The following CCDC157 variants were observed in gnomAD, a reference collection of about 807,000 sequenced individuals.
The protein encoded by CCDC157 is coiled-coil domain-containing protein 157.
Under a neutral mutation model 70.9 loss-of-function variants are expected in CCDC157, and 60 were observed. That is an observed-to-expected ratio of 0.85 (90% confidence interval 0.69 to 1.05). The LOEUF (loss-of-function observed/expected upper bound fraction) is 1.05, where lower values mean the gene tolerates loss of function less well. CCDC157 is among the 50% of genes least tolerant of loss of function. CCDC157 has a pLI of 0.00. For synonymous variants in CCDC157, 373 were observed against 422.4 expected (o/e 0.88, Z 1.43); for missense variants, 943 against 984.2 (o/e 0.96, Z 0.56).
chr22:30,369,667 T>C (rs1481438790), intron 4 of CCDC157, 64 bp downstream of exon 4: 10 of 1,298,188 alleles, frequency 7.7e-6, no homozygotes, highest in African/African-American at 4.6e-5. Flanking sequence ...TGTGGTGGCC[T>C]TCACACCTCG....
chr22:30,363,817 A>G (rs1242005502), intron 2 of CCDC157, among the ~76,000 whole-genome samples: 1 of 150,558 alleles, frequency 6.6e-6, no homozygotes, highest in Non-Finnish European at 1.5e-5. Flanking sequence ...CCTCCCAAGT[A>G]TCTGGGATTA....
At position 30,372,392 on chromosome 22, in the gene CCDC157, C is replaced by T. The variant is rs543782392; in HGVS notation, c.1335+106C>T. ...GATCATCTATATTGGGCATCTGCTC[C>T]CTGAGATGCCTCCAGGTGTGGGGGT... On this transcript the variant is annotated intron_variant, in intron 7 of 11. Transcript: ENST00000338306. 4 of 1,367,652 alleles carry T rather than the reference C, an allele frequency of 2.9e-6. No homozygotes were observed. The South Asian group carries it at 6.1e-5, about 21-fold the overall frequency. The allele number at this position is 1,367,652 out of a possible 1,614,324, so 84.7% of individuals were successfully genotyped here. A position where few individuals can be genotyped will look rare whatever the true frequency, so the allele number is the denominator to read the frequency against.
intron 3 of CCDC157, 129 bp from the exon 4 acceptor site, chr22:30,369,303 A>G: frequency 1.2e-6 from 1 of 825,872 alleles, no homozygotes; most frequent in Non-Finnish European, 1.7e-6. Context: ...GGCCCAGCAG[A>G]GCATATTCTG....
In CCDC157 at chr22:30,364,905, C is replaced by T. The variant is rs1339064628; in HGVS notation, c.-11-1085C>T. ...TCTTAATGCAAGTTTTCATGTTTTC[C>T]TCTCTTGCACTTTAGAAGTCAAGTG... On this transcript the variant is annotated intron_variant, in intron 2 of 11. Transcript: ENST00000338306. 2.6e-5 allele frequency among the ~76,000 whole-genome samples: 4 copies of T among 151,604 alleles called. No homozygotes were observed. The East Asian group carries it at 7.7e-4, about 29-fold the overall frequency.
rs180928061 is a variant in CCDC157, at chr22:30,373,724, G to T, written c.1463G>T (p.Ser488Ile). The T allele has an allele frequency of 2.4e-3, 3,734 of 1,553,288 alleles. 3 individuals are homozygous for T. The highest frequency in any genetic ancestry group is 3.0e-3 in the Non-Finnish European group (3,393 of 1,148,754). Residue 488 changes from serine (S) to isoleucine (I), a missense_variant, in exon 8 of 12, where the codon AGC (serine) becomes ATC (isoleucine). By Grantham distance (142) the Ser-to-Ile change is moderately radical (BLOSUM62 -2). Coordinates refer to ENST00000338306, the MANE Select transcript of CCDC157 (RefSeq NM_001017437.5). ...GCCCGCGTGGAGGAGCAGCTGCAGA[G>T]CGAGCGGGAGCAGGGGCAATGCCAG... ...QRARVEEQLQ[S>I]EREQGQCQLR...
chr22:30,378,316 A>G lies in CCDC157; in HGVS notation c.*1571A>G. The G allele has an allele frequency of 3.0e-6, 1 of 329,930 alleles. No homozygotes were observed. The highest frequency in any genetic ancestry group is 2.4e-5 in the South Asian group (1 of 42,232). 20.4% of individuals were successfully genotyped at this position (329,930 alleles called of 1,614,324 possible). ...TCAGGTCAGCTTGCTATAAGACAGA[A>G]CCCAACCATGGGCATAAAATCCCTT... On this transcript the variant is annotated 3_prime_UTR_variant, in exon 12 of 12. Transcript: ENST00000338306.
In CCDC157 at chr22:30,366,039, C is replaced by G; in HGVS notation, c.39C>G (p.Ser13Arg). The stretch of plus-strand genomic sequence containing the variant: ...TGGGCAGCCAGGCCTGCATGGAGAG[C>G]CTGCGCACAGACCTCACCGACCTGC... Reference protein sequence around the residue: ...HLLGSQACMESLRTDLTDLQG... With the variant: ...HLLGSQACMERLRTDLTDLQG... Residue 13 changes from serine (S) to arginine (R), a missense_variant, in exon 3 of 12, where the codon AGC (serine) becomes AGG (arginine). Coordinates refer to ENST00000338306, the MANE Select transcript of CCDC157 (RefSeq NM_001017437.5). The G allele has an allele frequency of 1.2e-6, 2 of 1,604,158 alleles. No homozygotes were observed. Among genetic ancestry groups the G allele is most frequent in the South Asian group, 1.1e-5 (1 of 91,054 alleles).
At chr22:30,374,120 A>C (rs1390305709) in intron 9 of CCDC157, 29 bp downstream of exon 9, 1 of 1,565,960 alleles carries the variant, frequency 6.4e-7, no homozygotes, top group Non-Finnish European at 8.7e-7. Context: ...TGCCAAGGGC[A>C]TGCTGGGGCT....
chr22:30,374,021 G>A lies in CCDC157; in HGVS notation c.1602G>A (p.Glu534=), dbSNP rs1428341434. The change falls in exon 9 of 12, where the codon GAG becomes GAA. Residue 534 remains glutamate, a synonymous_variant. Transcript: ENST00000338306. ...TGGAGCTAGAACGGGAGCTGGAGGA[G>A]CTGAAGGAGCGGGAGCGGCTGCTGG... is the stretch of plus-strand genomic sequence containing the variant. ...TILELERELE[E]LKERERLLVA... 6.2e-7 allele frequency: 1 copy of A among 1,611,252 alleles called. No individual in the cohort carries two copies. Among genetic ancestry groups the A allele is most frequent in the East Asian group, 2.2e-5 (1 of 44,816 alleles).
At position 30,376,843 on chromosome 22, in the gene CCDC157, G is replaced by A; in HGVS notation, c.*98G>A. The A allele has an allele frequency of 8.1e-7, 1 of 1,227,098 alleles. No individual in the cohort carries two copies. The allele number at this position is 1,227,098 out of a possible 1,614,324, so 76.0% of individuals were successfully genotyped here. A position where few individuals can be genotyped will look rare whatever the true frequency, so the allele number is the denominator to read the frequency against. Reference sequence around the variant, plus strand: ...GGCCCACAGCAATCTTTGCCTCACAGTATGACTGAGCCAAGGAAAGAACCC... The same window carrying A: ...GGCCCACAGCAATCTTTGCCTCACAATATGACTGAGCCAAGGAAAGAACCC... On this transcript the variant is annotated 3_prime_UTR_variant, in exon 12 of 12. Coordinates refer to ENST00000338306, the MANE Select transcript of CCDC157 (RefSeq NM_001017437.5).
At position 30,373,748 on chromosome 22, in the gene CCDC157, A is replaced by G. The variant is rs1428928378; in HGVS notation, c.1487A>G (p.Gln496Arg). Reference protein sequence around the residue: ...LQSEREQGQCQLRAQQELLQS... With the variant: ...LQSEREQGQCRLRAQQELLQS... Reference sequence around the variant, plus strand: ...AGCGAGCGGGAGCAGGGGCAATGCCAGCTCAGGGCCCAGCAGGTGAGGGTG... The same window carrying G: ...AGCGAGCGGGAGCAGGGGCAATGCCGGCTCAGGGCCCAGCAGGTGAGGGTG... The change falls in exon 8 of 12, where the codon CAG (glutamine) becomes CGG (arginine). Residue 496 changes from glutamine (Q) to arginine (R), a missense_variant. By Grantham distance (43) the Gln-to-Arg change is conservative. Transcript: ENST00000338306. 1 of 1,553,434 alleles carries G rather than the reference A, an allele frequency of 6.4e-7. No individual in the cohort carries two copies. The highest frequency in any genetic ancestry group is 8.7e-7 in the Non-Finnish European group (1 of 1,148,576).
chr22:30,378,078 G>A lies in CCDC157; in HGVS notation c.*1333G>A, dbSNP rs894326604. 5 of 470,714 alleles carry A rather than the reference G, an allele frequency of 1.1e-5. No homozygotes were observed. Among genetic ancestry groups the A allele is most frequent in the East Asian group, 6.9e-5 (1 of 14,398 alleles). The allele number at this position is 470,714 out of a possible 1,614,324, so 29.2% of individuals were successfully genotyped here. A position where few individuals can be genotyped will look rare whatever the true frequency, so the allele number is the denominator to read the frequency against. On this transcript the variant is annotated 3_prime_UTR_variant, in exon 12 of 12. Transcript: ENST00000338306. ...GTCCCCATGTCCTCGCTGGCTGGCT[G>A]TAAGCCAGGTCCTCTCACGGCTCCT...
Position 30,372,195 on chromosome 22 carries a change from G to A in CCDC157, c.1244G>A (p.Arg415Gln), listed in dbSNP as rs752958427. 1.6e-5 allele frequency: 25 copies of A among 1,591,808 alleles called. 1 individual carries two copies. Among genetic ancestry groups the A allele is most frequent in the South Asian group, 2.3e-5 (2 of 87,620 alleles). The change falls in exon 7 of 12, where the codon CGG (arginine) becomes CAG (glutamine). Residue 415 changes from arginine (R) to glutamine (Q), a missense_variant. Arg to Gln is a conservative substitution (Grantham distance 43). Transcript: ENST00000338306. ...GCGCAGGTGCAGCTGTTGGTGGGTC[G>A]GCTGGAGGGCGCTGGCCAGCAGGTC... The part of the protein sequence containing the change: ...LEAQVQLLVG[R>Q]LEGAGQQVCW...
In CCDC157 at chr22:30,376,726, C is replaced by A. The variant is rs1316315321; in HGVS notation, c.2240C>A (p.Pro747His). 30 of 1,612,542 alleles carry A rather than the reference C, an allele frequency of 1.9e-5. No homozygotes were observed. Among genetic ancestry groups the A allele is most frequent in the Non-Finnish European group, 2.5e-5 (29 of 1,179,660 alleles). Residue 747 changes from proline to histidine, a missense_variant, in exon 12 of 12, where the codon CCC (proline) becomes CAC (histidine). Transcript: ENST00000338306. ...GGACAGGCCAGCTCTGCACACCAGC[C>A]CCAGGAGCGGCCCATGTAGCCTGTG... ...GRGQASSAHQPQERPM is the reference protein window; with the variant it reads ...GRGQASSAHQHQERPM
rs531636253 is a variant in CCDC157 at position 30,367,404 on chromosome 22, T to G, written c.248+1156T>G. 4.2e-3 allele frequency among the ~76,000 whole-genome samples: 641 copies of G among 152,118 alleles called. 4 individuals carry two copies. Among genetic ancestry groups the G allele is most frequent in the Middle Eastern group, 0.014 (4 of 294 alleles). ...GTGCCTGCTGTCACGCCTGGCTAGTTTTTTTGGATTTTTAGTGGAGACGGG... is the reference window on the plus strand; with the variant it reads ...GTGCCTGCTGTCACGCCTGGCTAGTGTTTTTGGATTTTTAGTGGAGACGGG... On this transcript the variant is annotated intron_variant, in intron 3 of 11. Transcript: ENST00000338306.
Position 30,370,913 on chromosome 22 carries a change from G to T in CCDC157, c.1008G>T (p.Leu336=), listed in dbSNP as rs570827416. 7 of 1,610,476 alleles carry T rather than the reference G, an allele frequency of 4.3e-6. No homozygotes were observed. The Admixed American group carries it at 1.0e-4, about 23-fold the overall frequency. ...RRQAEEDEQC[L]SEWEHDKQQL... ...AGGCGGAGGAGGATGAGCAGTGCCT[G>T]TCTGAGTGGGAGCACGACAAACAGC... Residue 336 remains leucine (L), a synonymous_variant, in exon 5 of 12, where the codon CTG becomes CTT. Transcript: ENST00000338306.
intron 5 of CCDC157, 191 bp downstream of exon 5, chr22:30,371,141 A>C: frequency 3.6e-5 from 25 of 696,988 alleles, no homozygotes; most frequent in Middle Eastern, 4.1e-4. Context: ...CTGTGATCTC[A>C]GTCCCACTGG....
chr22:30,368,986 ACTC>A (rs1932823021), intron 3 of CCDC157: 1 of 152,788 alleles, frequency 6.5e-6, no homozygotes, highest in African/African-American at 2.4e-5. Context: ...GACTGTGCAC[ACTC>A]CCTGCTCTGC....
At chr22:30,365,350 G>A (rs1932649392) in intron 2 of CCDC157, among the ~76,000 whole-genome samples, 1 of 150,820 alleles carries the variant, frequency 6.6e-6, no homozygotes, top group African/African-American at 2.4e-5. Flanking sequence ...GGGTGGAGGG[G>A]AGACTATGGG....
Sources: allele counts gnomAD v4.1 joint callset (sites outside exome capture counted in the v4.1 genomes callset), GRCh38; gene constraint gnomAD v4.1.1; transcripts MANE v1.5; gene names NCBI Gene and HGNC (gene_info 2026-07-23, HGNC 2026-07-21).